The following CHST15 variants were observed in gnomAD, a reference collection of about 807,000 sequenced individuals.
The protein encoded by CHST15 is B cell RAG associated protein (GALNAC4S-6ST).
A neutral mutation model predicts 53.6 loss-of-function variants in CHST15; 30 were observed. The observed-to-expected ratio is 0.56, with a 90% confidence interval of 0.42 to 0.76. The LOEUF (loss-of-function observed/expected upper bound fraction) is 0.76, where lower values mean the gene tolerates loss of function less well. CHST15 is among the 30% of genes least tolerant of loss of function. The probability of loss-of-function intolerance (pLI) is 0.00; values close to 1 mark genes in which losing one functional copy is unlikely to be tolerated. For missense variants in CHST15, 627 were observed against 740.5 expected (o/e 0.85, Z 1.78); for synonymous variants, 296 against 289.8 (o/e 1.02, Z -0.22).
chr10:124,009,999 T>A lies in CHST15; in HGVS notation c.*150A>T. 6.7e-7 allele frequency: 1 copy of A among 1,490,700 alleles called. No individual in the cohort carries two copies. The allele number at this position is 1,490,700 out of a possible 1,614,324, so 92.3% of individuals were successfully genotyped here. The stretch of plus-strand genomic sequence containing the variant: ...AGCTCTCGAACATCACGAAGGAAAT[T>A]CCAAAATGGTTATAATTCATGTGTG... On this transcript the variant is annotated 3_prime_UTR_variant, in exon 8 of 8. Transcript: ENST00000435907.
intron 1 of CHST15, among the ~76,000 whole-genome samples, chr10:124,051,889 C>T (rs1948213535): frequency 6.6e-6 from 1 of 152,178 alleles, no homozygotes; most frequent in Non-Finnish European, 1.5e-5. Context: ...CATCCAATTT[C>T]ACCCTAGGAA....
intron 5 of CHST15, among the ~76,000 whole-genome samples, chr10:124,035,116 GC>G (rs1435099433): frequency 1.2e-5 from 1 of 82,410 alleles, no homozygotes; most frequent in Non-Finnish European, 2.5e-5. Flanking sequence ...CCCCGGCTCC[GC>G]CCCCTAACAG....
At chr10:124,075,917 C>T (rs1049086134) in intron 1 of CHST15, among the ~76,000 whole-genome samples, 5 of 152,224 alleles carry the variant, frequency 3.3e-5, no homozygotes, top group African/African-American at 1.2e-4. Flanking sequence ...CCAAGATGCA[C>T]TATGCCCCCC....
chr10:124,069,319 A>G (rs1014378898), intron 1 of CHST15, among the ~76,000 whole-genome samples: 3 of 152,216 alleles, frequency 2.0e-5, no homozygotes, highest in Non-Finnish European at 4.4e-5. Flanking sequence ...TATAGCCAGG[A>G]AATTCAAGAG....
chr10:124,055,396 G>A (rs1360522664), intron 1 of CHST15, among the ~76,000 whole-genome samples: 1 of 152,118 alleles, frequency 6.6e-6, no homozygotes, highest in African/African-American at 2.4e-5. Flanking sequence ...CTGCCTCTCG[G>A]TAAATGACCC....
chr10:124,028,403 T>C (rs932333195), intron 5 of CHST15, among the ~76,000 whole-genome samples: 1 of 152,222 alleles, frequency 6.6e-6, no homozygotes. Flanking sequence ...TGGGAAAACC[T>C]CTCCCCATAG....
chr10:124,021,391 G>C lies in CHST15; in HGVS notation c.1212C>G (p.Tyr404Ter), dbSNP rs1338264919. 6.2e-7 allele frequency: 1 copy of C among 1,613,566 alleles called. No individual in the cohort carries two copies. The change falls in exon 6 of 8, where the codon TAC (tyrosine) becomes TAG (stop). Residue 404 changes from tyrosine to a stop codon, truncating the protein, a stop_gained. Transcript: ENST00000435907. LOFTEE classifies it high-confidence loss of function. ...CCGCGGATTTATTCGAACTTGCAAA[G>C]TAGAGATAGTCTGAGTACAACCTGT... ...PVERLYSDYL[Y>*]FASSNKSADD...
chr10:124,044,479 T>C (rs1257789888), intron 3 of CHST15, 101 bp downstream of exon 3: 3 of 990,688 alleles, frequency 3.0e-6, no homozygotes, highest in African/African-American at 3.3e-5. Context: ...GTGCCATCTC[T>C]TTCTGCCGCC....
chr10:124,040,061 G>A (rs920067382), intron 4 of CHST15, among the ~76,000 whole-genome samples: 16 of 152,010 alleles, frequency 1.1e-4, no homozygotes, highest in African/African-American at 4.8e-5. Flanking sequence ...CAGAAAAAAC[G>A]AGTCAATCAG....
Position 124,047,991 on chromosome 10 carries a change from G to A in CHST15, c.-512-1267C>T, listed in dbSNP as rs73370203. Among the ~76,000 whole-genome samples the A allele has an allele frequency of 7.1e-3, 1,074 of 152,244 alleles. 10 individuals carry two copies. The highest frequency in any genetic ancestry group is 0.024 in the African/African-American group (1,015 of 41,522). Reference sequence around the variant, plus strand: ...CATAGAGGCAGCATTAACTAACCGCGCATCAAGATCGCCATGTACTGGCTG... The same window carrying A: ...CATAGAGGCAGCATTAACTAACCGCACATCAAGATCGCCATGTACTGGCTG... On this transcript the variant is annotated intron_variant, in intron 1 of 7. Transcript: ENST00000435907.
At chr10:124,055,651 G>C (rs960699610) in intron 1 of CHST15, among the ~76,000 whole-genome samples, 1 of 152,204 alleles carries the variant, frequency 6.6e-6, no homozygotes, top group African/African-American at 2.4e-5. Flanking sequence ...CCTGTCACCA[G>C]GGCCCGTAGC....
chr10:124,053,145 T>C (rs1948259328), intron 1 of CHST15, among the ~76,000 whole-genome samples: 1 of 152,228 alleles, frequency 6.6e-6, no homozygotes, highest in Non-Finnish European at 1.5e-5. Context: ...CTCTTTACCA[T>C]AGATTGCATT....
chr10:124,031,315 C>T (rs1342073849), intron 5 of CHST15, among the ~76,000 whole-genome samples: 2 of 152,172 alleles, frequency 1.3e-5, no homozygotes, highest in African/African-American at 4.8e-5. Context: ...TACAGCCAGG[C>T]GTCACTTAAC....
chr10:124,038,807 C>T (rs921691133), intron 4 of CHST15, 136 bp from the exon 5 acceptor site: 24 of 865,188 alleles, frequency 2.8e-5, no homozygotes, highest in African/African-American at 1.0e-4. Context: ...TCAGCCTTTG[C>T]GGGCATCTGG....
intron 5 of CHST15, 83 bp from the exon 6 acceptor site, chr10:124,021,495 A>G: frequency 6.5e-7 from 1 of 1,537,530 alleles, no homozygotes; most frequent in South Asian, 1.3e-5. Context: ...TCAGTGTACA[A>G]TTACATTATC....
chr10:124,050,682 T>C (rs1948158606), intron 1 of CHST15, among the ~76,000 whole-genome samples: 1 of 152,140 alleles, frequency 6.6e-6, no homozygotes, highest in Non-Finnish European at 1.5e-5. Context: ...AGGGAAGACC[T>C]GATTTCAGAG....
Position 124,046,136 on chromosome 10 carries a change from C to G in CHST15, c.77G>C (p.Gly26Ala), listed in dbSNP as rs764322427. The G allele has an allele frequency of 3.7e-6, 6 of 1,613,972 alleles. No individual in the cohort carries two copies. Among genetic ancestry groups the G allele is most frequent in the Non-Finnish European group, 5.1e-6 (6 of 1,180,006 alleles). The change falls in exon 2 of 8, where the codon GGC becomes GCC. Residue 26 changes from glycine (G) to alanine (A), a missense_variant. Gly to Ala is a moderately conservative substitution (Grantham distance 60). Transcript: ENST00000435907. ...AHKQQVNCQG[G>A]PHHGHQACPT... Reference sequence around the variant, plus strand: ...GCACGCCTGGTGACCGTGATGGGGGCCCCCTTGGCAGTTGACCTGCTGCTT... The same window carrying G: ...GCACGCCTGGTGACCGTGATGGGGGGCCCCTTGGCAGTTGACCTGCTGCTT...
Position 124,078,669 on chromosome 10 carries a change from C to T in CHST15, c.-513+14800G>A, listed in dbSNP as rs563166831. Among the ~76,000 whole-genome samples, 7 of 152,350 alleles carry T rather than the reference C, an allele frequency of 4.6e-5. No individual in the cohort carries two copies. The East Asian group carries it at 1.4e-3, about 29-fold the overall frequency. ...TTGAACTTACGGAAACGAATTTTAA[C>T]TGATTGTCAATTGGAAGGGATTGAA... On this transcript the variant is annotated intron_variant, in intron 1 of 7. Transcript: ENST00000435907.
chr10:124,020,161 T>C (rs1946723475), intron 6 of CHST15: 1 of 985,346 alleles, frequency 1.0e-6, no homozygotes. Flanking sequence ...GTGGCAAGAA[T>C]GAACGCAGGA....
Sources: allele counts gnomAD v4.1 joint callset (sites outside exome capture counted in the v4.1 genomes callset), GRCh38; gene constraint gnomAD v4.1.1; transcripts MANE v1.5; gene names NCBI Gene and HGNC (gene_info 2026-07-23, HGNC 2026-07-21).